ANO2: variants seen among roughly 807,000 people sequenced by gnomAD.
ANO2 encodes the protein anoctamin-2.
A neutral mutation model predicts 124.2 loss-of-function variants in ANO2; 101 were observed. That is an observed-to-expected ratio of 0.81 (90% confidence interval 0.69 to 0.96). The LOEUF is 0.96. Among genes scored for constraint, ANO2 ranks in the 40% least tolerant of loss-of-function variants. ANO2 has a pLI of 0.00. For synonymous variants in ANO2, 486 were observed against 482.5 expected, an observed-to-expected ratio of 1.01 and a Z score of -0.09; for missense variants, 1,293 against 1,274.5, an observed-to-expected ratio of 1.01 and a Z score of -0.22.
intron 4 of ANO2, among the ~76,000 whole-genome samples, chr12:5,837,284 T>C (rs1360752803): frequency 1.5e-5 from 2 of 135,262 alleles, no homozygotes; most frequent in Admixed American, 7.7e-5. Flanking sequence ...ATTTAGTTGA[T>C]GCAGATTTCT....
At chr12:5,762,065 G>T (rs1209512273) in intron 10 of ANO2, among the ~76,000 whole-genome samples, 1 of 152,022 alleles carries the variant, frequency 6.6e-6, no homozygotes, top group East Asian at 1.9e-4. Flanking sequence ...TTGTATAACT[G>T]TATTTTTAAA....
At chr12:5,576,792 C>A (rs971835365) in intron 22 of ANO2, among the ~76,000 whole-genome samples, 4 of 152,302 alleles carry the variant, frequency 2.6e-5, no homozygotes, top group South Asian at 2.1e-4. Context: ...AAGCCCTTTA[C>A]CAAAATGTAG....
rs563263815 is a variant in ANO2 at position 5,698,895 on chromosome 12, A to G, written c.1545+33625T>C. On this transcript the variant is annotated intron_variant, in intron 14 of 24. Transcript: ENST00000682330. ...ATGAAGTGAGAAGAGAAGTTTAGAG[A>G]AAAAAGAGTAAAAAGAAACAAAGCC... Among the ~76,000 whole-genome samples, 8 of 152,292 alleles carry G rather than the reference A, an allele frequency of 5.3e-5. No individual in the cohort carries two copies. The East Asian group carries it at 1.4e-3, about 26-fold the overall frequency.
chr12:5,829,157 C>T (rs1171034294), intron 6 of ANO2, among the ~76,000 whole-genome samples: 2 of 152,138 alleles, frequency 1.3e-5, no homozygotes, highest in Admixed American at 6.5e-5. Flanking sequence ...TAATATAGTG[C>T]AGTAATTCAA....
At chr12:5,909,065 G>C (rs960457322) in intron 3 of ANO2, among the ~76,000 whole-genome samples, 2 of 152,188 alleles carry the variant, frequency 1.3e-5, no homozygotes, top group Non-Finnish European at 2.9e-5. Context: ...AACATGCACA[G>C]ATCATGATGC....
At chr12:5,837,233 G>A (rs937754241) in intron 4 of ANO2, among the ~76,000 whole-genome samples, 11 of 151,432 alleles carry the variant, frequency 7.3e-5, no homozygotes, top group East Asian at 5.8e-4. Context: ...CAGCAACCAC[G>A]GGGCCAGGAG....
At position 5,599,614 on chromosome 12, in the gene ANO2, T is replaced by G. The variant is rs910324736; in HGVS notation, c.2103A>C (p.Leu701=). ...CGGTCTCATCTTTCAGCTTTCGAAA[T>G]AGTTTCTTTAGCTTCCTGGAAAAGA... ...FEIGVPKLKK[L]FRKLKDETEA... The change falls in exon 20 of 25, where the codon CTA becomes CTC. Residue 701 remains leucine, a synonymous_variant. Transcript: ENST00000682330. The G allele has an allele frequency of 6.2e-7, 1 of 1,613,578 alleles. No homozygotes were observed. The highest frequency in any genetic ancestry group is 2.2e-5 in the East Asian group (1 of 44,890).
At chr12:5,745,894 T>C (rs764233592) in intron 11 of ANO2, among the ~76,000 whole-genome samples, 16 of 152,366 alleles carry the variant, frequency 1.1e-4, no homozygotes, top group Non-Finnish European at 2.2e-4. Flanking sequence ...TTATGTCTTC[T>C]GGGTCAGACC....
chr12:5,921,278 A>G lies in ANO2; in HGVS notation c.296T>C (p.Val99Ala). Residue 99 changes from valine (V) to alanine (A), a missense_variant, in exon 3 of 25, where the codon GTC becomes GCC. By Grantham distance (64) the Val-to-Ala change is moderately conservative. Coordinates refer to ENST00000682330, the MANE Select transcript of ANO2 (RefSeq NM_001364791.2). ...RMHFHDSQRK[V>A]DYVLAYHYRK... is the part of the protein sequence containing the mutation. Reference sequence around the variant, plus strand: ...GTAGTGGTAGGCAAGTACATAGTCGACCTTCCTCTGACTGTCATGGAAGTG... The same window carrying G: ...GTAGTGGTAGGCAAGTACATAGTCGGCCTTCCTCTGACTGTCATGGAAGTG... 2.5e-6 allele frequency: 4 copies of G among 1,613,880 alleles called. 1 individual carries two copies. The South Asian group carries it at 4.4e-5, about 18-fold the overall frequency.
At chr12:5,889,116 G>A (rs1939195378) in intron 3 of ANO2, among the ~76,000 whole-genome samples, 1 of 152,238 alleles carries the variant, frequency 6.6e-6, no homozygotes, top group African/African-American at 2.4e-5. Context: ...ACTGCCCACG[G>A]CCGGCGGGCC....
intron 7 of ANO2, among the ~76,000 whole-genome samples, chr12:5,822,485 G>A (rs1391988045): frequency 6.6e-6 from 1 of 152,216 alleles, no homozygotes; most frequent in Admixed American, 6.5e-5. Flanking sequence ...ATGGTGGCAG[G>A]GATGGAGGTT....
intron 14 of ANO2, among the ~76,000 whole-genome samples, chr12:5,707,106 GTGAC>G (rs1949640373): frequency 6.6e-6 from 1 of 152,324 alleles, no homozygotes; most frequent in Admixed American, 6.5e-5. Flanking sequence ...CTGGTGGAAG[GTGAC>G]TGAATCATGG....
At chr12:5,759,124 G>A (rs1435611514) in intron 10 of ANO2, among the ~76,000 whole-genome samples, 1 of 141,882 alleles carries the variant, frequency 7.0e-6, no homozygotes, top group Non-Finnish European at 1.5e-5. Flanking sequence ...ATTTAAATAT[G>A]TTATGGCTAA....
intron 16 of ANO2, among the ~76,000 whole-genome samples, chr12:5,617,206 T>C (rs1242174949): frequency 6.6e-6 from 1 of 151,736 alleles, no homozygotes. Flanking sequence ...TACCACACCC[T>C]CAAGATCACA....
intron 17 of ANO2, among the ~76,000 whole-genome samples, chr12:5,613,831 CT>C (rs371402083): frequency 1.3e-4 from 20 of 152,260 alleles, no homozygotes; most frequent in African/African-American, 4.8e-4. Flanking sequence ...CCTCAGGATC[CT>C]TTTTTCTTGC....
At chr12:5,876,585 G>A (rs1029354041) in intron 3 of ANO2, among the ~76,000 whole-genome samples, 35 of 152,206 alleles carry the variant, frequency 2.3e-4, no homozygotes, top group African/African-American at 8.2e-4. Flanking sequence ...CAACCCAAAT[G>A]CCCATCAATG....
chr12:5,823,186 G>C (rs112965241), intron 7 of ANO2, among the ~76,000 whole-genome samples: 2,429 of 152,160 alleles, frequency 0.016, 55 homozygotes, highest in African/African-American at 0.053. Flanking sequence ...CTTCCCAACA[G>C]AGTCTTAACT....
chr12:5,566,033 AG>A (rs1302982085), intron 23 of ANO2, among the ~76,000 whole-genome samples: 1 of 152,084 alleles, frequency 6.6e-6, no homozygotes, highest in African/African-American at 2.4e-5. Context: ...CTGTGTGGGT[AG>A]GGGAGACCCA....
intron 3 of ANO2, among the ~76,000 whole-genome samples, chr12:5,861,742 C>G (rs895886841): frequency 1.1e-4 from 17 of 152,244 alleles, no homozygotes; most frequent in Admixed American, 9.2e-4. Context: ...AGAGAGGAGA[C>G]AGACTCCCTT....
Sources: gnomAD v4.1 joint callset for allele counts (sites outside exome capture counted in the v4.1 genomes callset) on GRCh38, gnomAD v4.1.1 for gene constraint, MANE v1.5 for transcripts, NCBI Gene and HGNC (gene_info 2026-07-23, HGNC 2026-07-21) for gene names.